Variants in RSBN1L observed in about 807,000 individuals in gnomAD.
The protein encoded by RSBN1L is round spermatid basic protein 1 like, also known as lysine-specific demethylase RSBN1L.
In RSBN1L, 30 loss-of-function variants were observed where a neutral mutation model predicts 67.7. The observed-to-expected ratio is 0.44, with a 90% CI of 0.33 to 0.60. The LOEUF (loss-of-function observed/expected upper bound fraction) is 0.60, where lower values mean the gene tolerates loss of function less well. RSBN1L is among the 20% of genes least tolerant of loss of function. The probability of loss-of-function intolerance (pLI) is 0.02; values close to 1 mark genes in which losing one functional copy is unlikely to be tolerated. For synonymous variants in RSBN1L, 433 were observed against 387.0 expected, an observed-to-expected ratio of 1.12 and a Z score of -1.39; for missense variants, 992 against 1,031.7, an observed-to-expected ratio of 0.96 and a Z score of 0.53.
At chr7:77,770,110 C>T (rs570485031) in intron 5 of RSBN1L, among the ~76,000 whole-genome samples, 1 of 151,832 alleles carries the variant, frequency 6.6e-6, no homozygotes. Context: ...CAGTGGCTCA[C>T]GCCTGTAATC....
At chr7:77,749,061 C>G (rs1049915301) in intron 2 of RSBN1L, among the ~76,000 whole-genome samples, 4 of 152,104 alleles carry the variant, frequency 2.6e-5, no homozygotes, top group African/African-American at 7.2e-5. Flanking sequence ...TGAGACCAGC[C>G]TGGCCAACAT....
intron 2 of RSBN1L, 147 bp downstream of exon 2, chr7:77,736,673 C>T (rs1041480331): frequency 8.0e-6 from 3 of 375,166 alleles, no homozygotes; most frequent in South Asian, 4.6e-5. Flanking sequence ...AATGTAACAA[C>T]GGAGAGTTCT....
chr7:77,758,982 T>A (rs1285031696), intron 3 of RSBN1L, among the ~76,000 whole-genome samples: 1 of 152,220 alleles, frequency 6.6e-6, no homozygotes, highest in Non-Finnish European at 1.5e-5. Context: ...TTATTTTTAT[T>A]GTATTGTGGT....
At chr7:77,707,399 A>G (rs186362067) in intron 1 of RSBN1L, among the ~76,000 whole-genome samples, 13 of 152,314 alleles carry the variant, frequency 8.5e-5, no homozygotes, top group African/African-American at 2.4e-4. Context: ...TTTACTCTCA[A>G]TGATTAATCT....
intron 1 of RSBN1L, 160 bp downstream of exon 1, chr7:77,697,215 G>T: frequency 1.4e-6 from 1 of 730,502 alleles, no homozygotes. Flanking sequence ...CAGTTCCCAA[G>T]GGGACAGGAA....
chr7:77,734,778 C>T (rs928149424), intron 1 of RSBN1L, among the ~76,000 whole-genome samples: 4 of 152,062 alleles, frequency 2.6e-5, no homozygotes, highest in African/African-American at 9.7e-5. Context: ...CGTGAGCCAC[C>T]GCGCCCGGCC....
chr7:77,729,417 C>T (rs1791246712), intron 1 of RSBN1L, among the ~76,000 whole-genome samples: 1 of 152,126 alleles, frequency 6.6e-6, no homozygotes, highest in South Asian at 2.1e-4. Context: ...TTATTGAAAC[C>T]AGATGAGATT....
chr7:77,774,719 CAA>C (rs775943012), intron 6 of RSBN1L, among the ~76,000 whole-genome samples: 3 of 152,104 alleles, frequency 2.0e-5, no homozygotes, highest in African/African-American at 4.8e-5. Flanking sequence ...CCTGGGGCGA[CAA>C]GAGCAAAACT....
chr7:77,698,210 A>AAAATCAAGTTAAATAT (rs1176650353), intron 1 of RSBN1L, among the ~76,000 whole-genome samples: 1 of 152,226 alleles, frequency 6.6e-6, no homozygotes, highest in Non-Finnish European at 1.5e-5. Context: ...CCTGTAGCAA[A>AAAATCAAGTTAAATAT]GCTTTAACAT....
At chr7:77,728,656 A>G (rs1026081672) in intron 1 of RSBN1L, among the ~76,000 whole-genome samples, 27 of 152,206 alleles carry the variant, frequency 1.8e-4, no homozygotes, top group African/African-American at 5.8e-4. Flanking sequence ...AGGCACTTGC[A>G]GTGCTTCTTG....
chr7:77,779,103 G>C lies in RSBN1L; in HGVS notation c.2476G>C (p.Asp826His). ...ELCPGNLSLV[D>H]TRQHSSAHSN... Reference sequence around the variant, plus strand: ...GTGCCCTGGAAATCTAAGTCTAGTTGATACAAGGCAACACAGTTCAGCACA... The same window carrying C: ...GTGCCCTGGAAATCTAAGTCTAGTTCATACAAGGCAACACAGTTCAGCACA... The change falls in exon 8 of 8, where the codon GAT becomes CAT. Residue 826 changes from aspartate (D) to histidine (H), a missense_variant. By Grantham distance (81) the Asp-to-His change is moderately conservative. Around this residue, in one of 7 missense-constraint regions of RSBN1L, gnomAD observed 199 missense variants for 167.7 expected, o/e 1.19. Coordinates refer to ENST00000334955, the MANE Select transcript of RSBN1L (RefSeq NM_198467.3). The C allele has an allele frequency of 6.2e-7, 1 of 1,613,476 alleles. No individual in the cohort carries two copies. Among genetic ancestry groups the C allele is most frequent in the Non-Finnish European group, 8.5e-7 (1 of 1,179,542 alleles).
rs184160040 is a variant in RSBN1L at position 77,757,651 on chromosome 7, A to G, written c.1344+7587A>G. On this transcript the variant is annotated intron_variant, in intron 3 of 7. Coordinates refer to ENST00000334955, the MANE Select transcript of RSBN1L (RefSeq NM_198467.3). ...GGTCTCTGCTAACTTAGCTGGGGCTATATGGCTTCATTCTTATGTCTGATG... is the reference window on the plus strand; with the variant it reads ...GGTCTCTGCTAACTTAGCTGGGGCTGTATGGCTTCATTCTTATGTCTGATG... 1.2e-3 allele frequency among the ~76,000 whole-genome samples: 187 copies of G among 152,386 alleles called. 1 individual carries two copies. Among genetic ancestry groups the G allele is most frequent in the African/African-American group, 4.3e-3 (180 of 41,588 alleles).
chr7:77,773,829 T>C (rs1000977229), intron 6 of RSBN1L, among the ~76,000 whole-genome samples: 3 of 152,302 alleles, frequency 2.0e-5, no homozygotes, highest in Middle Eastern at 3.4e-3. Context: ...CTGAAATAAT[T>C]AATTTCATGT....
intron 3 of RSBN1L, among the ~76,000 whole-genome samples, chr7:77,759,423 G>A (rs186963437): frequency 7.2e-5 from 11 of 152,044 alleles, no homozygotes; most frequent in African/African-American, 2.2e-4. Flanking sequence ...ATAAAATGTT[G>A]GTTAAATATT....
intron 3 of RSBN1L, among the ~76,000 whole-genome samples, chr7:77,752,258 G>C (rs1350558570): frequency 6.6e-6 from 1 of 152,190 alleles, no homozygotes; most frequent in Admixed American, 6.5e-5. Flanking sequence ...TTTTTTACCA[G>C]TTGTGGTTCT....
intron 1 of RSBN1L, among the ~76,000 whole-genome samples, chr7:77,723,998 G>A (rs930116557): frequency 6.6e-6 from 1 of 151,650 alleles, no homozygotes; most frequent in Non-Finnish European, 1.5e-5. Context: ...GGCTGGTCTT[G>A]AATTTCTGGG....
chr7:77,770,918 G>A (rs1360941752), intron 5 of RSBN1L, among the ~76,000 whole-genome samples: 2 of 152,122 alleles, frequency 1.3e-5, no homozygotes, highest in Non-Finnish European at 2.9e-5. Flanking sequence ...GATGATGCTA[G>A]GAGAGATTAT....
At chr7:77,745,470 AGT>A (rs1415073991) in intron 2 of RSBN1L, among the ~76,000 whole-genome samples, 1 of 152,224 alleles carries the variant, frequency 6.6e-6, no homozygotes, top group Non-Finnish European at 1.5e-5. Flanking sequence ...TTTCACTCAT[AGT>A]GTTGATTGAC....
chr7:77,712,383 C>T (rs1449260039), intron 1 of RSBN1L, among the ~76,000 whole-genome samples: 5 of 151,836 alleles, frequency 3.3e-5, no homozygotes, highest in South Asian at 4.2e-4. Context: ...CAGGTTCAAG[C>T]CATTTTCCTG....
Sources: gnomAD v4.1 joint callset for allele counts (sites outside exome capture counted in the v4.1 genomes callset) on GRCh38, gnomAD v4.1.1 for gene constraint, gnomAD v4.1.1 regional missense constraint, MANE v1.5 for transcripts, NCBI Gene and HGNC (gene_info 2026-07-23, HGNC 2026-07-21) for gene names.